DSCAM: variants seen among roughly 807,000 people sequenced by gnomAD.
DSCAM encodes the protein cell adhesion molecule DSCAM.
A neutral mutation model predicts 217.7 loss-of-function variants in DSCAM; 47 were observed. That is an observed-to-expected ratio of 0.22 (90% CI 0.17 to 0.28). The LOEUF (loss-of-function observed/expected upper bound fraction) is 0.28, where lower values mean the gene tolerates loss of function less well. Among genes scored for constraint, DSCAM ranks in the 10% least tolerant of loss-of-function variants. DSCAM has a pLI of 1.00. For synonymous variants in DSCAM, 1,056 were observed against 1,015.3 expected, an observed-to-expected ratio of 1.04 and a Z score of -0.76; for missense variants, 2,080 against 2,618.3, an observed-to-expected ratio of 0.79 and a Z score of 4.49.
rs914706384 is a variant in DSCAM, at chr21:40,560,343, C to G, written c.508+132467G>C. Among the ~76,000 whole-genome samples, 16 of 152,088 alleles carry G rather than the reference C, an allele frequency of 1.1e-4. 1 individual carries two copies. The highest frequency in any genetic ancestry group is 4.4e-5 in the Non-Finnish European group (3 of 68,010). ...AGGTAGGCAGGTGGCTCCAGGGGGA[C>G]CCCCTGTGTGGGGTGGAAAGCTGGA... On this transcript the variant is annotated intron_variant, in intron 3 of 32. Transcript: ENST00000400454.
chr21:40,061,579 A>G (rs1226239076), intron 28 of DSCAM, among the ~76,000 whole-genome samples: 4 of 110,310 alleles, frequency 3.6e-5, no homozygotes, highest in Non-Finnish European at 8.1e-5. Flanking sequence ...CAAAAAAAAA[A>G]AAAAAAGAAA....
chr21:40,663,117 G>A (rs1331601622), intron 3 of DSCAM, among the ~76,000 whole-genome samples: 2 of 143,746 alleles, frequency 1.4e-5, no homozygotes, highest in African/African-American at 5.0e-5. Flanking sequence ...GTATGTGTGA[G>A]TGTATGTCAT....
chr21:40,802,532 T>C (rs2091751153), intron 1 of DSCAM, among the ~76,000 whole-genome samples: 1 of 152,194 alleles, frequency 6.6e-6, no homozygotes, highest in Admixed American at 6.5e-5. Context: ...AAACTAATGT[T>C]GAAGCTTAAT....
intron 8 of DSCAM, among the ~76,000 whole-genome samples, chr21:40,336,029 T>C (rs771651878): frequency 1.3e-5 from 2 of 151,528 alleles, no homozygotes; most frequent in South Asian, 4.1e-4. Flanking sequence ...GCAGGAAACA[T>C]AACAGTTTTA....
At chr21:40,620,864 A>G (rs2089505052) in intron 3 of DSCAM, among the ~76,000 whole-genome samples, 1 of 152,254 alleles carries the variant, frequency 6.6e-6, no homozygotes, top group Non-Finnish European at 1.5e-5. Flanking sequence ...CCCTTTCAGT[A>G]GGTGAGACAA....
At chr21:40,731,234 G>A (rs921498896) in intron 1 of DSCAM, among the ~76,000 whole-genome samples, 4 of 152,182 alleles carry the variant, frequency 2.6e-5, no homozygotes, top group African/African-American at 7.2e-5. Context: ...TGTATTTAAT[G>A]TTTTCATTAG....
intron 3 of DSCAM, among the ~76,000 whole-genome samples, chr21:40,518,331 C>G (rs1369421674): frequency 3.1e-5 from 2 of 64,524 alleles, no homozygotes; most frequent in Admixed American, 4.9e-4. Context: ...CGCAGACCAT[C>G]TGCACATATT....
intron 11 of DSCAM, among the ~76,000 whole-genome samples, chr21:40,233,018 A>T (rs2091395343): frequency 1.3e-5 from 2 of 152,172 alleles, no homozygotes; most frequent in Admixed American, 6.5e-5. Flanking sequence ...TCTAAACATT[A>T]ATCAAAAATC....
intron 10 of DSCAM, among the ~76,000 whole-genome samples, chr21:40,294,492 G>A (rs2073931417): frequency 6.6e-6 from 1 of 152,174 alleles, no homozygotes; most frequent in African/African-American, 2.4e-5. Flanking sequence ...AAGTGCCCTT[G>A]GGCAGTACAG....
intron 1 of DSCAM, among the ~76,000 whole-genome samples, chr21:40,761,690 T>TTAGTG (rs2091337109): frequency 6.6e-6 from 1 of 152,278 alleles, no homozygotes; most frequent in South Asian, 2.1e-4. Context: ...AGAGAAACGA[T>TTAGTG]CCCAATTAGA....
At chr21:40,845,732 G>A (rs1043710301) in intron 1 of DSCAM, among the ~76,000 whole-genome samples, 5 of 152,044 alleles carry the variant, frequency 3.3e-5, no homozygotes, top group African/African-American at 9.7e-5. Flanking sequence ...AATTTAAGCC[G>A]TAGCTACTCC....
intron 3 of DSCAM, among the ~76,000 whole-genome samples, chr21:40,645,338 C>T (rs1032381438): frequency 2.0e-5 from 3 of 151,864 alleles, no homozygotes; most frequent in African/African-American, 7.3e-5. Flanking sequence ...TGTAAAGTAT[C>T]CGATAAAGAG....
chr21:40,351,226 TTGGCAGGACA>T (rs960201127), intron 5 of DSCAM, among the ~76,000 whole-genome samples: 5 of 152,080 alleles, frequency 3.3e-5, no homozygotes, highest in African/African-American at 1.2e-4. Flanking sequence ...TTTGTATGAC[TTGGCAGGACA>T]TGGCAGGACT....
At position 40,376,668 on chromosome 21, in the gene DSCAM, T is replaced by C. The variant is rs1380091526; in HGVS notation, c.509-7423A>G. On this transcript the variant is annotated intron_variant, in intron 3 of 32. Coordinates refer to ENST00000400454, the MANE Select transcript of DSCAM (RefSeq NM_001389.5). ...GATATCGATATCTATATATCTTATATAGATATCTATATATCATATATATCA... is the reference window on the plus strand; with the variant it reads ...GATATCGATATCTATATATCTTATACAGATATCTATATATCATATATATCA... 1.4e-5 allele frequency among the ~76,000 whole-genome samples: 2 copies of C among 138,630 alleles called. 1 individual carries two copies. Among genetic ancestry groups the C allele is most frequent in the Non-Finnish European group, 3.0e-5 (2 of 65,746 alleles). 90.9% of individuals were successfully genotyped at this position (138,630 alleles called of 152,430 possible).
intron 21 of DSCAM, among the ~76,000 whole-genome samples, chr21:40,088,217 G>A (rs915751112): frequency 7.9e-5 from 12 of 152,160 alleles, no homozygotes; most frequent in Admixed American, 2.6e-4. Flanking sequence ...GCTCACCCTC[G>A]ATGGATGCAC....
At chr21:40,277,006 G>A (rs890384553) in intron 10 of DSCAM, among the ~76,000 whole-genome samples, 1 of 152,050 alleles carries the variant, frequency 6.6e-6, no homozygotes, top group African/African-American at 2.4e-5. Flanking sequence ...TAATGAAACA[G>A]ATTATGAAGG....
rs569667789 is a variant in DSCAM at position 40,202,970 on chromosome 21, T to C, written c.2357-13732A>G. ...GGTGTAATAATGAGGATGATAATTA[T>C]AGCTAATATGCATTAAGTTCTCTGC... On this transcript the variant is annotated intron_variant, in intron 11 of 32. Coordinates refer to ENST00000400454, the MANE Select transcript of DSCAM (RefSeq NM_001389.5). Among the ~76,000 whole-genome samples, 7 of 152,382 alleles carry C rather than the reference T, an allele frequency of 4.6e-5. No individual in the cohort carries two copies. In the South Asian group the frequency reaches 1.4e-3, roughly 32 times the overall value.
intron 3 of DSCAM, among the ~76,000 whole-genome samples, chr21:40,377,220 A>G (rs146822542): frequency 6.6e-6 from 1 of 152,244 alleles, no homozygotes; most frequent in Non-Finnish European, 1.5e-5. Flanking sequence ...TTTTCAGATG[A>G]GAAAATTGAG....
chr21:40,799,292 T>G (rs1235236769), intron 1 of DSCAM, among the ~76,000 whole-genome samples: 1 of 152,164 alleles, frequency 6.6e-6, no homozygotes, highest in East Asian at 1.9e-4. Flanking sequence ...ATAGGTAAAT[T>G]GAGAGCTAAC....
Sources: allele counts gnomAD v4.1 joint callset (sites outside exome capture counted in the v4.1 genomes callset), GRCh38; gene constraint gnomAD v4.1.1; transcripts MANE v1.5; gene names NCBI Gene and HGNC (gene_info 2026-07-23, HGNC 2026-07-21).